ADGRL3: variants seen among roughly 807,000 people sequenced by gnomAD.
The protein encoded by ADGRL3 is adhesion G protein-coupled receptor L3, also known as calcium-independent alpha-latrotoxin receptor 3.
A neutral mutation model predicts 153.5 loss-of-function variants in ADGRL3; 62 were observed. That is an observed-to-expected ratio of 0.40 (90% CI 0.33 to 0.50). The LOEUF is 0.50. Ranked by LOEUF, ADGRL3 falls within the 20% of genes least tolerant of loss-of-function variation. ADGRL3 has a pLI of 0.47. For missense variants in ADGRL3, 1,641 were observed against 1,859.4 expected (o/e 0.88, Z 2.16); for synonymous variants, 710 against 672.5 (o/e 1.06, Z -0.86).
chr4:61,338,148 G>A (rs2095720639), intron 1 of ADGRL3, among the ~76,000 whole-genome samples: 1 of 152,064 alleles, frequency 6.6e-6, no homozygotes, highest in Admixed American at 6.5e-5. Flanking sequence ...GCACAGGCCT[G>A]TAATCCCAGC....
rs1045573067 is a variant in ADGRL3 at position 61,642,405 on chromosome 4, G to A, written c.474-34421G>A. Among the ~76,000 whole-genome samples, 151 of 152,222 alleles carry A rather than the reference G, an allele frequency of 9.9e-4. 1 individual carries two copies. The Middle Eastern group carries it at 0.01, about 10-fold the overall frequency. Reference sequence around the variant, plus strand: ...GGTAATGCCTAGGTTTTCTTCTAGGGTTTTTATGGTTTTAGGTCCAAGGTT... The same window carrying A: ...GGTAATGCCTAGGTTTTCTTCTAGGATTTTTATGGTTTTAGGTCCAAGGTT... On this transcript the variant is annotated intron_variant, in intron 5 of 26. Transcript: ENST00000683033.
intron 8 of ADGRL3, chr4:61,775,583 C>A: frequency 1.0e-6 from 1 of 966,544 alleles, no homozygotes. Context: ...CAGAGGCCTA[C>A]CCTTTCCCCT....
intron 15 of ADGRL3, among the ~76,000 whole-genome samples, chr4:61,937,293 T>G (rs140050093): frequency 0.011 from 1,696 of 152,260 alleles, 18 homozygotes; most frequent in Non-Finnish European, 0.016. Context: ...CTGCCTCATT[T>G]GCCACACCTC....
At chr4:61,547,505 T>G (rs1256484790) in intron 4 of ADGRL3, among the ~76,000 whole-genome samples, 1 of 152,108 alleles carries the variant, frequency 6.6e-6, no homozygotes, top group Non-Finnish European at 1.5e-5. Flanking sequence ...AGTGAGAGTA[T>G]GTGGTATTTG....
chr4:61,505,451 C>T (rs577347101), intron 3 of ADGRL3, among the ~76,000 whole-genome samples: 1 of 151,984 alleles, frequency 6.6e-6, no homozygotes, highest in African/African-American at 2.4e-5. Context: ...TATAGGAGAC[C>T]TGTATACTGG....
At chr4:61,297,698 C>G (rs1037371642) in intron 1 of ADGRL3, among the ~76,000 whole-genome samples, 22 of 150,608 alleles carry the variant, frequency 1.5e-4, no homozygotes, top group African/African-American at 5.4e-4. Flanking sequence ...CTAAATTATT[C>G]TCTTATTTTT....
At chr4:61,432,635 T>TTTC (rs2097380239) in intron 2 of ADGRL3, among the ~76,000 whole-genome samples, 1 of 82,618 alleles carries the variant, frequency 1.2e-5, no homozygotes, top group African/African-American at 4.6e-5. Flanking sequence ...TCTTTCTTTC[T>TTTC]TTCTTTCTTT....
chr4:61,290,672 A>G (rs2094140506), intron 1 of ADGRL3, among the ~76,000 whole-genome samples: 1 of 149,746 alleles, frequency 6.7e-6, no homozygotes, highest in African/African-American at 2.5e-5. Flanking sequence ...GAAAGGAAGG[A>G]AGGAAGGAAG....
chr4:61,303,020 T>C (rs745407555), intron 1 of ADGRL3, among the ~76,000 whole-genome samples: 86 of 152,166 alleles, frequency 5.7e-4, no homozygotes, highest in Non-Finnish European at 1.1e-3. Context: ...AAGACGACAG[T>C]ATACTATTAA....
intron 8 of ADGRL3, among the ~76,000 whole-genome samples, chr4:61,802,831 A>G (rs897552410): frequency 1.3e-5 from 2 of 152,152 alleles, no homozygotes; most frequent in Non-Finnish European, 1.5e-5. Flanking sequence ...TTTGTTTTCT[A>G]TAAAGATGTC....
intron 17 of ADGRL3, among the ~76,000 whole-genome samples, chr4:61,950,718 T>C (rs1039978555): frequency 2.6e-5 from 4 of 152,182 alleles, no homozygotes; most frequent in African/African-American, 9.7e-5. Context: ...CCCAGAAAGT[T>C]CATTGGCACT....
At position 61,996,280 on chromosome 4, in the gene ADGRL3, T is replaced by A. The variant is rs570897975; in HGVS notation, c.3237-11T>A. 2.4e-5 allele frequency: 39 copies of A among 1,606,328 alleles called. No individual in the cohort carries two copies. The East Asian group carries it at 8.5e-4, about 35-fold the overall frequency. The stretch of plus-strand genomic sequence containing the variant: ...CCTTGAATACCTTCTCTCCCTTGTG[T>A]TTCATTGCAGATGTTGGCTCCGACT... On this transcript the variant is annotated splice_polypyrimidine_tract_variant and intron_variant, in intron 19 of 26. Transcript: ENST00000683033.
intron 8 of ADGRL3, among the ~76,000 whole-genome samples, chr4:61,773,744 G>A (rs1310148415): frequency 6.6e-6 from 1 of 152,142 alleles, no homozygotes; most frequent in Non-Finnish European, 1.5e-5. Context: ...GAGAAAAACA[G>A]GAGTTTATTA....
intron 2 of ADGRL3, among the ~76,000 whole-genome samples, chr4:61,400,404 G>A (rs2096916126): frequency 6.6e-6 from 1 of 151,678 alleles, no homozygotes; most frequent in South Asian, 2.1e-4. Context: ...TATATAAAAA[G>A]AAGAAAAGCG....
At chr4:61,847,197 G>A (rs1368212114) in intron 9 of ADGRL3, among the ~76,000 whole-genome samples, 1 of 151,892 alleles carries the variant, frequency 6.6e-6, no homozygotes, top group Non-Finnish European at 1.5e-5. Context: ...TAGCACTACA[G>A]TAAGTATCTT....
chr4:61,855,499 A>C (rs1468875809), intron 9 of ADGRL3, among the ~76,000 whole-genome samples: 1 of 152,196 alleles, frequency 6.6e-6, no homozygotes, highest in Admixed American at 6.5e-5. Flanking sequence ...TGAGTGGATT[A>C]ACTATAGATA....
chr4:61,723,396 G>C (rs1440444255), intron 6 of ADGRL3, among the ~76,000 whole-genome samples: 1 of 152,132 alleles, frequency 6.6e-6, no homozygotes, highest in African/African-American at 2.4e-5. Flanking sequence ...GGAGAGGAAA[G>C]TTTAATAGGC....
intron 8 of ADGRL3, among the ~76,000 whole-genome samples, chr4:61,812,192 T>A (rs2097635819): frequency 6.6e-6 from 1 of 152,192 alleles, no homozygotes; most frequent in Admixed American, 6.5e-5. Flanking sequence ...ACAATTAGTG[T>A]CTTATTCTTT....
chr4:61,373,065 C>G (rs1431287976), intron 1 of ADGRL3, among the ~76,000 whole-genome samples: 1 of 152,212 alleles, frequency 6.6e-6, no homozygotes, highest in Non-Finnish European at 1.5e-5. Flanking sequence ...CCGAGTGAGG[C>G]AATGCCTCGC....
Sources: allele counts gnomAD v4.1 joint callset (sites outside exome capture counted in the v4.1 genomes callset), GRCh38; gene constraint gnomAD v4.1.1; transcripts MANE v1.5; gene names NCBI Gene and HGNC (gene_info 2026-07-23, HGNC 2026-07-21).